COL4A4: variants seen among roughly 807,000 people sequenced by gnomAD.
COL4A4 encodes collagen type IV alpha 4 chain.
COL4A4 carries 105 observed loss-of-function variants against 192.9 expected under a neutral mutation model. That is an observed-to-expected ratio of 0.54 (90% CI 0.46 to 0.64). The LOEUF is 0.64. COL4A4 is among the 30% of genes least tolerant of loss of function. The pLI, the probability that COL4A4 is intolerant of heterozygous loss-of-function variation, is 0.00. For synonymous variants in COL4A4, 762 were observed against 769.9 expected (o/e 0.99, Z 0.17); for missense variants, 1,967 against 2,169.3 (o/e 0.91, Z 1.85).
intron 37 of COL4A4, 92 bp from the exon 38 acceptor site, chr2:227,033,573 C>A (rs1283618837): frequency 1.8e-6 from 2 of 1,125,928 alleles, no homozygotes; most frequent in South Asian, 1.3e-5. Flanking sequence ...GCAGAGGGCG[C>A]GTTGCTGGGG....
At chr2:227,002,342 A>AGTT (rs1961204448), downstream of COL4A4, among the ~76,000 whole-genome samples, 1 of 152,224 alleles carries the variant, frequency 6.6e-6, no homozygotes, top group South Asian at 2.1e-4. Context: ...ATCTCTTTGT[A>AGTT]GTTAACTTTC....
At chr2:227,066,393 C>A (rs1245458465) in intron 25 of COL4A4, among the ~76,000 whole-genome samples, 1 of 151,638 alleles carries the variant, frequency 6.6e-6, no homozygotes, top group African/African-American at 2.4e-5. Flanking sequence ...TCGAGAAGAG[C>A]AACTCCAAGA....
chr2:227,114,768 A>T lies in COL4A4; in HGVS notation c.490-72T>A, dbSNP rs62277803. The T allele has an allele frequency of 0.024, 29,082 of 1,196,026 alleles. 419 individuals carry two copies. The highest frequency in any genetic ancestry group is 0.03 in the Non-Finnish European group (24,561 of 805,430). The allele number at this position is 1,196,026 out of a possible 1,614,324, so 74.1% of individuals were successfully genotyped here. On this transcript the variant is annotated intron_variant, in intron 7 of 47. Coordinates refer to ENST00000396625, the MANE Select transcript of COL4A4 (RefSeq NM_000092.5). Reference sequence around the variant, plus strand: ...CATTTCAGTATTTTCTTTTCTATATAAAATATAACTCATCAGTTAAAATTA... The same window carrying T: ...CATTTCAGTATTTTCTTTTCTATATTAAATATAACTCATCAGTTAAAATTA...
intron 4 of COL4A4, among the ~76,000 whole-genome samples, chr2:227,139,952 G>T (rs1369730138): frequency 1.3e-5 from 2 of 152,146 alleles, no homozygotes; most frequent in Non-Finnish European, 2.9e-5. Context: ...AAAACAATGG[G>T]TGAATCGCAG....
At chr2:227,018,209 C>T (rs1204488973) in intron 44 of COL4A4, among the ~76,000 whole-genome samples, 1 of 152,142 alleles carries the variant, frequency 6.6e-6, no homozygotes, top group Non-Finnish European at 1.5e-5. Context: ...TCTCCCAGTA[C>T]CCTTGACTTG....
intron 44 of COL4A4, among the ~76,000 whole-genome samples, chr2:227,017,965 A>G (rs1226659222): frequency 6.6e-6 from 1 of 152,016 alleles, no homozygotes; most frequent in Non-Finnish European, 1.5e-5. Context: ...GGGGAGGAGG[A>G]GGTAGAGGAG....
intron 25 of COL4A4, among the ~76,000 whole-genome samples, chr2:227,070,075 T>G (rs1212172038): frequency 6.6e-6 from 1 of 151,980 alleles, no homozygotes; most frequent in South Asian, 2.1e-4. Context: ...GAACAGACAC[T>G]TCTCAAAAGA....
intron 16 of COL4A4, 43 bp from the exon 17 acceptor site, chr2:227,101,600 G>A (rs376821120): frequency 1.2e-5 from 18 of 1,521,990 alleles, no homozygotes; most frequent in Non-Finnish European, 1.5e-5. Flanking sequence ...AAAAGTGACT[G>A]GGTGACAAAT....
intron 4 of COL4A4, among the ~76,000 whole-genome samples, chr2:227,135,012 G>A (rs537035454): frequency 2.2e-4 from 34 of 152,286 alleles, no homozygotes; most frequent in African/African-American, 7.7e-4. Context: ...CCTGCAAGGA[G>A]CCCACCAGTA....
intron 33 of COL4A4, among the ~76,000 whole-genome samples, chr2:227,050,586 T>C (rs895464966): frequency 7.2e-5 from 11 of 152,210 alleles, no homozygotes; most frequent in African/African-American, 2.4e-4. Flanking sequence ...ATTTTACTCA[T>C]GGTTGTGAAG....
At chr2:226,983,100 C>G in the COL4A4 span, among the ~76,000 whole-genome samples, 1 of 152,190 alleles carries the variant, frequency 6.6e-6, no homozygotes, top group Non-Finnish European at 1.5e-5. Flanking sequence ...AACATAACCA[C>G]AGAACACACT....
the COL4A4 span, among the ~76,000 whole-genome samples, chr2:226,974,441 G>A: frequency 6.6e-6 from 1 of 152,064 alleles, no homozygotes; most frequent in Non-Finnish European, 1.5e-5. Context: ...GTTTCACCGT[G>A]TTAGCCAGGA....
chr2:227,043,232 A>G (rs1971813915), intron 35 of COL4A4, 48 bp from the exon 36 acceptor site: 1 of 1,466,106 alleles, frequency 6.8e-7, no homozygotes, highest in South Asian at 1.1e-5. Context: ...GAGACAGTGA[A>G]TCTTTAAAAT....
At chr2:227,105,845 C>T (rs1431382481) in intron 12 of COL4A4, among the ~76,000 whole-genome samples, 1 of 152,118 alleles carries the variant, frequency 6.6e-6, no homozygotes, top group Non-Finnish European at 1.5e-5. Flanking sequence ...CATTTCCTTA[C>T]TTCCTTGAAA....
chr2:227,105,821 C>T (rs904914982), intron 12 of COL4A4, among the ~76,000 whole-genome samples: 8 of 152,234 alleles, frequency 5.3e-5, no homozygotes, highest in African/African-American at 1.9e-4. Context: ...TTCCTTAAAA[C>T]CTCTCTCAGT....
intron 22 of COL4A4, among the ~76,000 whole-genome samples, chr2:227,087,265 G>C (rs932394404): frequency 1.3e-5 from 2 of 152,148 alleles, no homozygotes; most frequent in South Asian, 4.2e-4. Flanking sequence ...CGTAAACTCT[G>C]ACAAAGCCAG....
intron 44 of COL4A4, among the ~76,000 whole-genome samples, chr2:227,013,268 TTC>T (rs1369101041): frequency 3.9e-5 from 6 of 152,214 alleles, no homozygotes; most frequent in African/African-American, 9.6e-5. Flanking sequence ...TCTATTCTCT[TTC>T]TCTCTTTCTC....
At chr2:227,093,591 C>T (rs2060049847) in intron 20 of COL4A4, among the ~76,000 whole-genome samples, 1 of 151,996 alleles carries the variant, frequency 6.6e-6, no homozygotes. Context: ...TTTCCACACC[C>T]CCATGATCTC....
intron 3 of COL4A4, 28 bp downstream of exon 3, chr2:227,144,488 C>G: frequency 6.3e-7 from 1 of 1,590,980 alleles, no homozygotes; most frequent in Non-Finnish European, 8.6e-7. Context: ...ATTTTCACAA[C>G]GCAACCAGAG....
Sources: allele counts gnomAD v4.1 joint callset (sites outside exome capture counted in the v4.1 genomes callset), GRCh38; gene constraint gnomAD v4.1.1; transcripts MANE v1.5; gene names NCBI Gene and HGNC (gene_info 2026-07-23, HGNC 2026-07-21).